Variants in ATP8A2 observed in about 807,000 individuals in gnomAD.
The protein encoded by ATP8A2 is ATPase phospholipid transporting 8A2, also known as phospholipid-transporting ATPase IB.
Under a neutral mutation model 165.6 loss-of-function variants are expected in ATP8A2, and 100 were observed. The observed-to-expected ratio is 0.60, with a 90% CI of 0.51 to 0.71. The LOEUF is 0.71. Among genes scored for constraint, ATP8A2 ranks in the 30% least tolerant of loss-of-function variants. The pLI is 0.00. For missense variants in ATP8A2, 1,227 were observed against 1,479.5 expected, an observed-to-expected ratio of 0.83 and a Z score of 2.80; for synonymous variants, 543 against 548.8, an observed-to-expected ratio of 0.99 and a Z score of 0.15.
chr13:25,694,520 A>T (rs1404254545), intron 24 of ATP8A2, among the ~76,000 whole-genome samples: 2 of 152,168 alleles, frequency 1.3e-5, no homozygotes, highest in African/African-American at 4.8e-5. Flanking sequence ...TTCCTGGTGA[A>T]CACACCCAGG....
At chr13:26,018,135 C>A (rs1367271341) in intron 36 of ATP8A2, among the ~76,000 whole-genome samples, 1 of 152,186 alleles carries the variant, frequency 6.6e-6, no homozygotes, top group Non-Finnish European at 1.5e-5. Context: ...ACTCTCAGGC[C>A]ACCTCTGCAG....
chr13:25,600,499 A>G (rs1349188591), intron 24 of ATP8A2, among the ~76,000 whole-genome samples: 7 of 152,182 alleles, frequency 4.6e-5, no homozygotes, highest in Non-Finnish European at 8.8e-5. Context: ...TTGTGAAATT[A>G]TTGGGAAAGT....
intron 34 of ATP8A2, among the ~76,000 whole-genome samples, chr13:25,963,852 T>C (rs1472832644): frequency 6.6e-6 from 1 of 152,240 alleles, no homozygotes; most frequent in Non-Finnish European, 1.5e-5. Context: ...CAAACAGGAC[T>C]TGTTTTTGGT....
intron 25 of ATP8A2, among the ~76,000 whole-genome samples, chr13:25,757,731 C>T (rs909499001): frequency 2.0e-5 from 3 of 152,094 alleles, no homozygotes; most frequent in African/African-American, 7.2e-5. Context: ...CAGCTGAGAG[C>T]CCCTGTTATA....
intron 35 of ATP8A2, among the ~76,000 whole-genome samples, chr13:25,990,961 G>A (rs931087818): frequency 1.3e-5 from 2 of 152,104 alleles, no homozygotes; most frequent in African/African-American, 2.4e-5. Flanking sequence ...TAGGCTTGCC[G>A]ACAGGACCAC....
chr13:25,401,750 C>T (rs2138020132), intron 1 of ATP8A2, among the ~76,000 whole-genome samples: 1 of 152,130 alleles, frequency 6.6e-6, no homozygotes, highest in African/African-American at 2.4e-5. Flanking sequence ...CACATACATA[C>T]CTATGATAAA....
chr13:25,633,914 T>A (rs901544249), intron 24 of ATP8A2, among the ~76,000 whole-genome samples: 5 of 151,352 alleles, frequency 3.3e-5, no homozygotes, highest in African/African-American at 4.9e-5. Flanking sequence ...AGGTTGAGGC[T>A]GCAGCGAGGC....
At chr13:25,415,029 A>G (rs2034092189) in intron 1 of ATP8A2, among the ~76,000 whole-genome samples, 2 of 152,232 alleles carry the variant, frequency 1.3e-5, no homozygotes, top group African/African-American at 4.8e-5. Context: ...GGGAGATGGT[A>G]TAGAGAGATG....
At chr13:25,828,984 A>G (rs74039763) in intron 28 of ATP8A2, among the ~76,000 whole-genome samples, 3,837 of 152,300 alleles carry the variant, frequency 0.025, 165 homozygotes, top group African/African-American at 0.085. Flanking sequence ...AGCAGCCATC[A>G]TAAATAAATG....
chr13:25,446,535 G>T (rs1329200968), intron 1 of ATP8A2, among the ~76,000 whole-genome samples: 8 of 144,036 alleles, frequency 5.6e-5, no homozygotes, highest in Non-Finnish European at 7.8e-5. Flanking sequence ...CTGGAACCAC[G>T]CCCGCAGTAC....
chr13:25,508,604 A>G (rs983498510), intron 2 of ATP8A2, among the ~76,000 whole-genome samples: 3 of 152,382 alleles, frequency 2.0e-5, no homozygotes, highest in African/African-American at 7.2e-5. Context: ...CAACCCTCTG[A>G]TTATGTGTGA....
intron 25 of ATP8A2, among the ~76,000 whole-genome samples, chr13:25,749,257 G>A (rs1292957430): frequency 1.3e-5 from 2 of 152,158 alleles, no homozygotes; most frequent in African/African-American, 4.8e-5. Flanking sequence ...TGGAAATGGT[G>A]ATTTCTGGGC....
At chr13:25,892,580 C>CCTCTCTCTCT (rs55782604) in intron 33 of ATP8A2, among the ~76,000 whole-genome samples, 1 of 144,170 alleles carries the variant, frequency 6.9e-6, no homozygotes, top group African/African-American at 2.6e-5. Context: ...AATGGAAACA[C>CCTCTCTCTCT]CTCTCTCTCT....
intron 24 of ATP8A2, among the ~76,000 whole-genome samples, chr13:25,654,411 C>T (rs1006537868): frequency 5.9e-5 from 9 of 152,094 alleles, no homozygotes; most frequent in Admixed American, 3.3e-4. Flanking sequence ...CATCATGTTG[C>T]CCAGATAGTT....
chr13:25,772,515 A>G (rs1174279951), intron 26 of ATP8A2, among the ~76,000 whole-genome samples: 4 of 151,946 alleles, frequency 2.6e-5, no homozygotes, highest in South Asian at 2.1e-4. Flanking sequence ...TACTTCTGCC[A>G]CTTCGAAGCG....
intron 26 of ATP8A2, among the ~76,000 whole-genome samples, chr13:25,773,387 T>C (rs2044668527): frequency 6.6e-6 from 1 of 152,236 alleles, no homozygotes; most frequent in Admixed American, 6.5e-5. Flanking sequence ...TTTCCCTCCC[T>C]CCAGCGCAAG....
intron 25 of ATP8A2, among the ~76,000 whole-genome samples, chr13:25,709,791 G>A (rs1402401801): frequency 6.6e-6 from 1 of 152,096 alleles, no homozygotes; most frequent in Non-Finnish European, 1.5e-5. Flanking sequence ...TATAACTGTA[G>A]TATTAGCCTA....
At chr13:25,952,923 C>T (rs556188040) in intron 33 of ATP8A2, among the ~76,000 whole-genome samples, 33 of 152,252 alleles carry the variant, frequency 2.2e-4, no homozygotes, top group South Asian at 1.0e-3. Context: ...TTGACATGCA[C>T]GCTCATGAAA....
chr13:25,440,995 A>C (rs2034917121), intron 1 of ATP8A2, among the ~76,000 whole-genome samples: 1 of 152,210 alleles, frequency 6.6e-6, no homozygotes, highest in South Asian at 2.1e-4. Flanking sequence ...AAAATGGTCT[A>C]ATAGTATTCT....
Sources: allele counts gnomAD v4.1 joint callset (sites outside exome capture counted in the v4.1 genomes callset), GRCh38; gene constraint gnomAD v4.1.1; transcripts MANE v1.5; gene names NCBI Gene and HGNC (gene_info 2026-07-23, HGNC 2026-07-21).